The following CSMD1 variants were observed in gnomAD, a reference collection of about 807,000 sequenced individuals.
CSMD1 encodes CUB and sushi domain-containing protein 1.
Under a neutral mutation model 417.5 loss-of-function variants are expected in CSMD1, and 213 were observed. The ratio of observed to expected loss-of-function variants is 0.51; its 90% confidence interval spans 0.46 to 0.57. CSMD1 has a LOEUF of 0.57. Among genes scored for constraint, CSMD1 ranks in the 20% least tolerant of loss-of-function variants. The pLI is 0.00. For missense variants in CSMD1, 6,923 were observed against 4,529.7 expected (o/e 1.53, Z -15.17); for synonymous variants, 2,862 against 1,736.8 (o/e 1.65, Z -16.11).
chr8:3,443,390 T>A (rs1475953487), intron 12 of CSMD1, among the ~76,000 whole-genome samples: 1 of 152,054 alleles, frequency 6.6e-6, no homozygotes, highest in East Asian at 1.9e-4. Context: ...CCAGAATTCA[T>A]TAGATAGAAA....
rs892751870 is a variant in CSMD1, at chr8:3,130,648, G to A, written c.6241+11817C>T. On this transcript the variant is annotated intron_variant, in intron 41 of 69. Transcript: ENST00000635120. ...TTCCTTTCTCTTCTCTCAACTCATC[G>A]GGCTTCTCTCCACCCAGAACTCTTC... Among the ~76,000 whole-genome samples the A allele has an allele frequency of 3.3e-5, 5 of 151,768 alleles. No homozygotes were observed. The East Asian group carries it at 9.7e-4, about 29-fold the overall frequency.
chr8:4,236,966 C>A (rs1802103322), intron 3 of CSMD1, among the ~76,000 whole-genome samples: 1 of 152,184 alleles, frequency 6.6e-6, no homozygotes, highest in African/African-American at 2.4e-5. Context: ...GAAGCAGTTA[C>A]ACTGAGGACC....
chr8:3,225,391 C>A (rs1218258632), intron 27 of CSMD1, among the ~76,000 whole-genome samples: 2 of 145,670 alleles, frequency 1.4e-5, no homozygotes, highest in South Asian at 4.3e-4. Flanking sequence ...CCCAGTATGA[C>A]TTTTTTTTTT....
chr8:4,069,463 C>G (rs1799431474), intron 3 of CSMD1, among the ~76,000 whole-genome samples: 1 of 152,130 alleles, frequency 6.6e-6, no homozygotes, highest in African/African-American at 2.4e-5. Flanking sequence ...TTGTCTTTCG[C>G]AGGATATTAT....
At chr8:3,514,186 C>G (rs1437754930) in intron 10 of CSMD1, among the ~76,000 whole-genome samples, 2 of 152,150 alleles carry the variant, frequency 1.3e-5, no homozygotes, top group South Asian at 2.1e-4. Flanking sequence ...CCCAATCCCT[C>G]ATGAAGACAT....
At chr8:3,029,776 C>T (rs1303687740) in intron 50 of CSMD1, among the ~76,000 whole-genome samples, 1 of 151,884 alleles carries the variant, frequency 6.6e-6, no homozygotes, top group African/African-American at 2.4e-5. Context: ...TAAATCACTT[C>T]CACAAAAGTA....
chr8:4,947,124 C>G (rs1014061429), intron 1 of CSMD1, among the ~76,000 whole-genome samples: 1 of 152,140 alleles, frequency 6.6e-6, no homozygotes, highest in African/African-American at 2.4e-5. Context: ...TTGTATCCAT[C>G]TGTGCATAAA....
rs1801184278 is a variant in CSMD1 at position 3,813,238 on chromosome 8, T to A, written c.819-59196A>T. Among the ~76,000 whole-genome samples the A allele has an allele frequency of 2.0e-5, 3 of 152,072 alleles. No individual in the cohort carries two copies. In the South Asian group the frequency reaches 6.2e-4, roughly 31 times the overall value. ...AATAAAAAAGAGGGTGAAATTGTCCTGTCATCATTAAGATAGCAATCAAAT... is the reference window on the plus strand; with the variant it reads ...AATAAAAAAGAGGGTGAAATTGTCCAGTCATCATTAAGATAGCAATCAAAT... On this transcript the variant is annotated intron_variant, in intron 5 of 69. Transcript: ENST00000635120.
intron 26 of CSMD1, among the ~76,000 whole-genome samples, chr8:3,268,287 CT>C (rs1259647614): frequency 9.6e-5 from 11 of 114,648 alleles, no homozygotes; most frequent in African/African-American, 3.8e-4. Context: ...GGTTCATTTC[CT>C]ATTTTTTTTT....
chr8:4,597,430 CT>C (rs1473846802), intron 2 of CSMD1, among the ~76,000 whole-genome samples: 4 of 152,146 alleles, frequency 2.6e-5, no homozygotes, highest in African/African-American at 4.8e-5. Context: ...AAATTCACCC[CT>C]GGTCCTCTTG....
intron 23 of CSMD1, among the ~76,000 whole-genome samples, chr8:3,316,661 T>C (rs1361642725): frequency 6.6e-6 from 1 of 152,134 alleles, no homozygotes; most frequent in Non-Finnish European, 1.5e-5. Flanking sequence ...CATTTGTATA[T>C]GCTGATGCTT....
intron 3 of CSMD1, among the ~76,000 whole-genome samples, chr8:4,405,766 A>G (rs1044055337): frequency 6.6e-6 from 1 of 152,148 alleles, no homozygotes. Flanking sequence ...GAAACAGTTT[A>G]AGCTGTATTT....
chr8:3,979,713 A>G (rs948162388), intron 5 of CSMD1, among the ~76,000 whole-genome samples: 1 of 152,208 alleles, frequency 6.6e-6, no homozygotes, highest in African/African-American at 2.4e-5. Context: ...CCAGAACTGA[A>G]TAAGCTGGAA....
At chr8:3,906,224 C>T (rs1014532304) in intron 5 of CSMD1, among the ~76,000 whole-genome samples, 31 of 151,882 alleles carry the variant, frequency 2.0e-4, no homozygotes, top group African/African-American at 7.5e-4. Context: ...TTGATTGTGA[C>T]CACAAAATGC....
At chr8:4,051,394 C>G (rs755826850) in intron 3 of CSMD1, among the ~76,000 whole-genome samples, 1 of 152,070 alleles carries the variant, frequency 6.6e-6, no homozygotes, top group Non-Finnish European at 1.5e-5. Context: ...CTGATCCAAC[C>G]CAGTAGCATA....
Position 4,213,385 on chromosome 8 carries a change from A to G in CSMD1, c.416-181286T>C, listed in dbSNP as rs987099223. 3.3e-5 allele frequency among the ~76,000 whole-genome samples: 5 copies of G among 152,178 alleles called. No homozygotes were observed. In the East Asian group the frequency reaches 5.8e-4, roughly 18 times the overall value. On this transcript the variant is annotated intron_variant, in intron 3 of 69. Transcript: ENST00000635120. ...AAAAAGGCTATTCTTTGAAATTTACATGCTTCAATCCATCCTAATCACTGC... is the reference window on the plus strand; with the variant it reads ...AAAAAGGCTATTCTTTGAAATTTACGTGCTTCAATCCATCCTAATCACTGC...
At chr8:4,479,148 T>C (rs1800955550) in intron 2 of CSMD1, among the ~76,000 whole-genome samples, 2 of 152,200 alleles carry the variant, frequency 1.3e-5, no homozygotes, top group Admixed American at 1.3e-4. Context: ...ATAAGGTTAA[T>C]TTATAAATAA....
intron 69 of CSMD1, among the ~76,000 whole-genome samples, chr8:2,940,274 C>T (rs910258102): frequency 6.6e-6 from 1 of 152,162 alleles, no homozygotes; most frequent in Non-Finnish European, 1.5e-5. Flanking sequence ...CACCATCCCT[C>T]GCTCCTATGG....
chr8:3,474,966 G>A (rs1004821896), intron 11 of CSMD1, among the ~76,000 whole-genome samples: 28 of 151,754 alleles, frequency 1.8e-4, no homozygotes, highest in Admixed American at 7.9e-4. Context: ...TGCCTTTTTT[G>A]CCCCCAAGCC....
Sources: gnomAD v4.1 joint callset for allele counts (sites outside exome capture counted in the v4.1 genomes callset) on GRCh38, gnomAD v4.1.1 for gene constraint, MANE v1.5 for transcripts, NCBI Gene and HGNC (gene_info 2026-07-23, HGNC 2026-07-21) for gene names.